WDPCP: variants seen among roughly 807,000 people sequenced by gnomAD.
The protein encoded by WDPCP is WD repeat-containing and planar cell polarity effector protein fritz homolog.
In WDPCP, 71 loss-of-function variants were observed where a neutral mutation model predicts 93.1. The observed-to-expected ratio is 0.76, with a 90% CI of 0.63 to 0.93. WDPCP has a LOEUF of 0.93. Ranked by LOEUF, WDPCP falls within the 40% of genes least tolerant of loss-of-function variation. The pLI is 0.00. For synonymous variants in WDPCP, 315 were observed against 315.0 expected, an observed-to-expected ratio of 1.00 and a Z score of 0.00; for missense variants, 844 against 887.4, an observed-to-expected ratio of 0.95 and a Z score of 0.62.
intron 1 of WDPCP, among the ~76,000 whole-genome samples, chr2:63,585,631 G>T (rs1223211712): frequency 6.6e-6 from 1 of 151,688 alleles, no homozygotes; most frequent in Non-Finnish European, 1.5e-5. Context: ...CAATGTAAAG[G>T]CATCTTTACA....
At chr2:63,762,041 C>T (rs1670062828) in intron 2 of WDPCP, among the ~76,000 whole-genome samples, 1 of 152,148 alleles carries the variant, frequency 6.6e-6, no homozygotes, top group Non-Finnish European at 1.5e-5. Flanking sequence ...TCTTCAAGAC[C>T]ATTGCAAGAT....
intron 4 of WDPCP, among the ~76,000 whole-genome samples, chr2:63,485,823 A>G (rs1268993211): frequency 6.6e-6 from 1 of 151,866 alleles, no homozygotes; most frequent in Non-Finnish European, 1.5e-5. Context: ...ATGTACATAT[A>G]CATATACATA....
intron 12 of WDPCP, among the ~76,000 whole-genome samples, chr2:63,313,868 A>ATGTGTGTGTGTGTG: frequency 1.4e-4 from 1 of 7,260 alleles, no homozygotes; most frequent in East Asian, 0.029. Flanking sequence ...ATATATATAT[A>ATGTGTGTGTGTGTG]TATATATATA....
chr2:63,172,615 A>G (rs562937310), intron 15 of WDPCP, among the ~76,000 whole-genome samples: 2 of 152,298 alleles, frequency 1.3e-5, no homozygotes, highest in African/African-American at 4.8e-5. Flanking sequence ...AACAATACAG[A>G]ACATTATACA....
chr2:63,128,944 A>C (rs1477925631), intron 17 of WDPCP, among the ~76,000 whole-genome samples: 1 of 152,248 alleles, frequency 6.6e-6, no homozygotes, highest in Non-Finnish European at 1.5e-5. Flanking sequence ...CTGGGATTAC[A>C]GGCGTGAGCC....
intron 2 of WDPCP, among the ~76,000 whole-genome samples, chr2:63,805,495 T>C (rs983608464): frequency 3.3e-5 from 5 of 152,196 alleles, no homozygotes. Context: ...GGTTCAGAAC[T>C]GAACATTTAT....
intron 2 of WDPCP, among the ~76,000 whole-genome samples, chr2:63,654,215 T>A (rs1710140641): frequency 1.3e-5 from 2 of 152,136 alleles, no homozygotes; most frequent in African/African-American, 4.8e-5. Flanking sequence ...AATAGCAGGT[T>A]AGATATTGCA....
At chr2:63,776,361 G>A (rs1363963883) in intron 2 of WDPCP, among the ~76,000 whole-genome samples, 1 of 151,542 alleles carries the variant, frequency 6.6e-6, no homozygotes, top group Non-Finnish European at 1.5e-5. Flanking sequence ...CACCAAAGAA[G>A]TTATAAAGAT....
In WDPCP at chr2:63,484,600, TTACCTG is replaced by T. The variant is rs778055845; in HGVS notation, c.382_384+3del. 1 of 1,612,676 alleles carries T rather than the reference TTACCTG, an allele frequency of 6.2e-7. No individual in the cohort carries two copies. Among genetic ancestry groups the T allele is most frequent in the African/African-American group, 1.3e-5 (1 of 74,852 alleles). On this transcript the variant is annotated splice_donor_variant and splice_donor_region_variant and coding_sequence_variant and intron_variant, in exon 6 of 18. Coordinates refer to ENST00000272321, the MANE Select transcript of WDPCP (RefSeq NM_015910.7). LOFTEE classifies it high-confidence loss of function. Reference sequence around the variant, plus strand: ...CACTGCAAAGGCTTGTCAAATCATTTTACCTGACAGACATATTTGTTCTTCCATTTG... The same window carrying T: ...CACTGCAAAGGCTTGTCAAATCATTTACAGACATATTTGTTCTTCCATTTG...
intron 2 of WDPCP, among the ~76,000 whole-genome samples, chr2:63,664,602 C>T (rs1019302217): frequency 5.3e-5 from 8 of 152,070 alleles, no homozygotes; most frequent in Non-Finnish European, 1.2e-4. Flanking sequence ...AGCAGTCTAT[C>T]GTCTATTACA....
intron 13 of WDPCP, among the ~76,000 whole-genome samples, chr2:63,299,394 T>G (rs1294211602): frequency 1.3e-5 from 2 of 152,140 alleles, no homozygotes; most frequent in African/African-American, 4.8e-5. Context: ...CAGGCCTGGT[T>G]AGGAATTGGA....
rs1183112782 is a variant in WDPCP, at chr2:63,458,118, G to A, written c.385-18247C>T. Among the ~76,000 whole-genome samples the A allele has an allele frequency of 2.1e-4, 29 of 135,890 alleles. 1 individual carries two copies. Among genetic ancestry groups the A allele is most frequent in the East Asian group, 1.5e-3 (7 of 4,586 alleles). The allele number at this position is 135,890 out of a possible 152,430, so 89.1% of individuals were successfully genotyped here. A position where few individuals can be genotyped will look rare whatever the true frequency, so the allele number is the denominator to read the frequency against. The stretch of plus-strand genomic sequence containing the variant: ...CAGCCTGGCGACAGTGTGAGACTCC[G>A]TCTCAAAAAAAAAAAAAAGAAAAAA... On this transcript the variant is annotated intron_variant, in intron 6 of 17. Coordinates refer to ENST00000272321, the MANE Select transcript of WDPCP (RefSeq NM_015910.7).
At chr2:63,576,683 C>A (rs1293890696) in intron 1 of WDPCP, among the ~76,000 whole-genome samples, 1 of 152,086 alleles carries the variant, frequency 6.6e-6, no homozygotes, top group South Asian at 2.1e-4. Context: ...AAGAGCCAAC[C>A]CTCTAATCAC....
intron 1 of WDPCP, among the ~76,000 whole-genome samples, chr2:63,508,501 T>C (rs1047182719): frequency 9.2e-5 from 14 of 152,128 alleles, no homozygotes; most frequent in Non-Finnish European, 1.8e-4. Flanking sequence ...CTAGAGACCA[T>C]TGACACTATC....
intron 2 of WDPCP, among the ~76,000 whole-genome samples, chr2:63,691,127 C>T (rs544270886): frequency 6.6e-6 from 1 of 152,266 alleles, no homozygotes; most frequent in South Asian, 2.1e-4. Context: ...CGTGGGCACC[C>T]TTAGCATCCA....
At chr2:63,752,979 C>A (rs1423117808) in intron 2 of WDPCP, among the ~76,000 whole-genome samples, 2 of 152,050 alleles carry the variant, frequency 1.3e-5, no homozygotes, top group African/African-American at 4.8e-5. Flanking sequence ...TAAGTATGAG[C>A]CCCCGCACCC....
intron 2 of WDPCP, among the ~76,000 whole-genome samples, chr2:63,741,016 A>G (rs990958438): frequency 1.3e-5 from 2 of 152,158 alleles, no homozygotes; most frequent in Non-Finnish European, 2.9e-5. Context: ...GGTATTAATC[A>G]AAATTGTGGT....
At chr2:63,134,355 C>T (rs1246430887) in intron 17 of WDPCP, among the ~76,000 whole-genome samples, 1 of 152,038 alleles carries the variant, frequency 6.6e-6, no homozygotes, top group Admixed American at 6.6e-5. Context: ...TATAATAGAT[C>T]ACAATTATGA....
intron 6 of WDPCP, among the ~76,000 whole-genome samples, chr2:63,451,935 T>A (rs893650554): frequency 1.3e-5 from 2 of 152,190 alleles, no homozygotes; most frequent in Admixed American, 1.3e-4. Flanking sequence ...ATTGATGGGA[T>A]GTATCTCAAA....
Sources: allele counts gnomAD v4.1 joint callset (sites outside exome capture counted in the v4.1 genomes callset), GRCh38; gene constraint gnomAD v4.1.1; transcripts MANE v1.5; gene names NCBI Gene and HGNC (gene_info 2026-07-23, HGNC 2026-07-21).